The following CACNA1D variants were observed in gnomAD, a reference collection of about 807,000 sequenced individuals.
CACNA1D encodes the protein voltage-dependent L-type calcium channel subunit alpha-1D.
CACNA1D carries 55 observed loss-of-function variants against 257.1 expected under a neutral mutation model. The observed-to-expected ratio is 0.21, with a 90% CI of 0.17 to 0.27. The LOEUF (loss-of-function observed/expected upper bound fraction) is 0.27, where lower values mean the gene tolerates loss of function less well. Ranked by LOEUF, CACNA1D falls within the 10% of genes least tolerant of loss-of-function variation. CACNA1D has a pLI of 1.00. For missense variants in CACNA1D, 1,876 were observed against 2,784.0 expected (o/e 0.67, Z 7.34); for synonymous variants, 980 against 1,014.9 (o/e 0.97, Z 0.65).
At chr3:53,753,486 G>A (rs931001548) in intron 28 of CACNA1D, 86 bp from the exon 29 acceptor site, 8 of 911,188 alleles carry the variant, frequency 8.8e-6, no homozygotes, top group African/African-American at 1.6e-5. Flanking sequence ...TGCCCACAGG[G>A]GCACAGAGGG....
intron 20 of CACNA1D, among the ~76,000 whole-genome samples, chr3:53,738,934 G>A (rs1439587187): frequency 6.6e-6 from 1 of 151,854 alleles, no homozygotes; most frequent in Non-Finnish European, 1.5e-5. Flanking sequence ...GTAAGGAAAA[G>A]TTGGCTGAGG....
At chr3:53,624,788 G>A (rs899100967) in intron 3 of CACNA1D, among the ~76,000 whole-genome samples, 1 of 152,230 alleles carries the variant, frequency 6.6e-6, no homozygotes, top group Admixed American at 6.5e-5. Context: ...CCAAGTATTA[G>A]GCCTGGGAGT....
chr3:53,664,642 A>C (rs2094241504), intron 5 of CACNA1D, among the ~76,000 whole-genome samples: 1 of 152,160 alleles, frequency 6.6e-6, no homozygotes, highest in Non-Finnish European at 1.5e-5. Context: ...CCTCTCTCCC[A>C]TGCCCACCTG....
chr3:53,778,780 G>A (rs1209454125), intron 37 of CACNA1D, among the ~76,000 whole-genome samples: 1 of 152,206 alleles, frequency 6.6e-6, no homozygotes, highest in Non-Finnish European at 1.5e-5. Context: ...TATAGAAGAG[G>A]AGTGGGGAGC....
chr3:53,763,615 C>T (rs1171914215), intron 30 of CACNA1D, among the ~76,000 whole-genome samples: 1 of 152,196 alleles, frequency 6.6e-6, no homozygotes, highest in Non-Finnish European at 1.5e-5. Flanking sequence ...CAGCCCACCC[C>T]CTGCCCCTGA....
At chr3:53,566,976 T>C (rs1012258754) in intron 3 of CACNA1D, among the ~76,000 whole-genome samples, 4 of 152,184 alleles carry the variant, frequency 2.6e-5, no homozygotes, top group Admixed American at 2.0e-4. Flanking sequence ...GGCATGCGGG[T>C]AGCAGTCATC....
intron 36 of CACNA1D, 46 bp from the exon 37 acceptor site, chr3:53,776,814 G>A (rs780448245): frequency 3.7e-6 from 6 of 1,612,778 alleles, no homozygotes; most frequent in Non-Finnish European, 5.1e-6. Flanking sequence ...GAAAGTTCGG[G>A]CCAGCTGGTA....
intron 9 of CACNA1D, among the ~76,000 whole-genome samples, chr3:53,706,910 C>A (rs2094695852): frequency 6.6e-6 from 1 of 152,110 alleles, no homozygotes; most frequent in African/African-American, 2.4e-5. Context: ...TTTGAAGGTT[C>A]TCCTAGACCG....
At chr3:53,593,397 C>CA (rs757911909) in intron 3 of CACNA1D, among the ~76,000 whole-genome samples, 1 of 152,134 alleles carries the variant, frequency 6.6e-6, no homozygotes, top group Non-Finnish European at 1.5e-5. Flanking sequence ...AAATGGTAAG[C>CA]AAAAGGAATA....
intron 4 of CACNA1D, among the ~76,000 whole-genome samples, chr3:53,656,015 GC>G (rs1239855222): frequency 6.6e-6 from 1 of 152,170 alleles, no homozygotes; most frequent in Non-Finnish European, 1.5e-5. Flanking sequence ...AGTTATCCCA[GC>G]ATGGTTTATT....
At chr3:53,506,831 C>T (rs1033539441) in intron 3 of CACNA1D, among the ~76,000 whole-genome samples, 2 of 151,950 alleles carry the variant, frequency 1.3e-5, no homozygotes, top group South Asian at 2.1e-4. Flanking sequence ...AGTTATAAAC[C>T]TGTCTTCTGT....
intron 3 of CACNA1D, among the ~76,000 whole-genome samples, chr3:53,553,840 G>A (rs1163596728): frequency 6.6e-6 from 1 of 151,188 alleles, no homozygotes; most frequent in Non-Finnish European, 1.5e-5. Context: ...TTCTTCTAAG[G>A]CCTAAGCCTT....
chr3:53,803,526 A>T lies in CACNA1D; in HGVS notation c.5539A>T (p.Ser1847Cys). The stretch of plus-strand genomic sequence containing the variant: ...CTGCTTGGGGGAGCAGGAGTATTTC[A>T]GTAGTGAGGAATGCTACGAGGATGA... ...PHCLGEQEYF[S>C]SEECYEDDSS... The change falls in exon 44 of 48, where the codon AGT becomes TGT. Residue 1847 changes from serine to cysteine, a missense_variant. By Grantham distance (112) the Ser-to-Cys change is moderately radical (BLOSUM62 -1). Around this residue, in one of 10 missense-constraint regions of CACNA1D, gnomAD observed 491 missense variants for 554.3 expected, o/e 0.89. Transcript: ENST00000350061. 6.2e-7 allele frequency: 1 copy of T among 1,614,162 alleles called. No individual in the cohort carries two copies. Among genetic ancestry groups the T allele is most frequent in the South Asian group, 1.1e-5 (1 of 91,092 alleles).
Position 53,691,918 on chromosome 3 carries a change from TA to T in CACNA1D, c.1221-10722del, listed in dbSNP as rs2094532915. ...TATATTACATATATTATATATAATA[TA>T]TATTATATATATTATATATATATTT... On this transcript the variant is annotated intron_variant, in intron 8 of 47. Transcript: ENST00000350061. 9.4e-5 allele frequency among the ~76,000 whole-genome samples: 5 copies of T among 53,062 alleles called. No homozygotes were observed. The South Asian group carries it at 2.5e-3, about 26-fold the overall frequency. The allele number at this position is 53,062 out of a possible 152,430, so 34.8% of individuals were successfully genotyped here. A position where few individuals can be genotyped will look rare whatever the true frequency, so the allele number is the denominator to read the frequency against.
At chr3:53,616,258 G>T (rs939748072) in intron 3 of CACNA1D, among the ~76,000 whole-genome samples, 1 of 152,156 alleles carries the variant, frequency 6.6e-6, no homozygotes, top group African/African-American at 2.4e-5. Context: ...CCTACCTGGA[G>T]CTGAAGAAAG....
chr3:53,656,889 A>G (rs561137955), intron 4 of CACNA1D, among the ~76,000 whole-genome samples: 1 of 152,344 alleles, frequency 6.6e-6, no homozygotes, highest in Admixed American at 6.5e-5. Flanking sequence ...TACTAAATGT[A>G]AAAAGACTGA....
intron 3 of CACNA1D, among the ~76,000 whole-genome samples, chr3:53,532,446 G>T (rs1270761948): frequency 6.6e-6 from 1 of 152,164 alleles, no homozygotes; most frequent in Non-Finnish European, 1.5e-5. Context: ...GTAAACAGAG[G>T]CCCCAAGAGG....
rs749592221 is a variant in CACNA1D, at chr3:53,751,832, C to T, written c.3600C>T (p.Tyr1200=). The T allele has an allele frequency of 1.7e-5, 27 of 1,613,516 alleles. No individual in the cohort carries two copies. The highest frequency in any genetic ancestry group is 8.9e-5 in the East Asian group (4 of 44,862). Residue 1200 remains tyrosine (Y), a synonymous_variant, in exon 28 of 48, where the codon TAC becomes TAT. Transcript: ENST00000350061. This position sits in a 1 kb window ranked among gnomAD's most constrained non-coding sequence, Gnocchi z 4.3. ...ACCCCTACCAGTACAAGTTCTGGTA[C>T]GTGGTGAACTCTTCGCCTTTCGAAT... ...PKNPYQYKFW[Y]VVNSSPFEYM...
At chr3:53,684,829 G>T (rs2094461354) in intron 8 of CACNA1D, among the ~76,000 whole-genome samples, 1 of 152,146 alleles carries the variant, frequency 6.6e-6, no homozygotes, top group African/African-American at 2.4e-5. Context: ...ACTACATTTT[G>T]AAATAATATG....
Sources: allele counts gnomAD v4.1 joint callset (sites outside exome capture counted in the v4.1 genomes callset), GRCh38; gene constraint gnomAD v4.1.1; regional missense constraint gnomAD v4.1.1; non-coding constraint Gnocchi (gnomAD v3.1); transcripts MANE v1.5; gene names NCBI Gene and HGNC (gene_info 2026-07-23, HGNC 2026-07-21).